The following STRA6 variants were observed in gnomAD, a reference collection of about 807,000 sequenced individuals.
STRA6 encodes the protein signaling receptor and transporter of retinol STRA6.
In STRA6, 48 loss-of-function variants were observed where a neutral mutation model predicts 83.6. That is an observed-to-expected ratio of 0.57 (90% CI 0.46 to 0.73). The LOEUF is 0.73. Among genes scored for constraint, STRA6 ranks in the 30% least tolerant of loss-of-function variants. STRA6 has a pLI of 0.00. For missense variants in STRA6, 760 were observed against 838.8 expected (o/e 0.91, Z 1.16); for synonymous variants, 353 against 362.3 (o/e 0.97, Z 0.29).
At position 74,182,441 on chromosome 15, in the gene STRA6, GA is replaced by G; in HGVS notation, c.1319del (p.Ile440ThrfsTer38). ...GGGCCGTGGTTCCCAGGAAGAAGAT[GA>G]TCTGCTGCACCAGGAGCCCTGCCAG... is the stretch of plus-strand genomic sequence containing the variant. The part of the protein sequence containing the change: ...FICLGLLVQQ[I>X]IFFLGTTALA... On this transcript the variant is annotated frameshift_variant, in exon 15 of 19. Transcript: ENST00000395105. LOFTEE classifies it high-confidence loss of function. The G allele has an allele frequency of 6.2e-7, 1 of 1,610,346 alleles. No individual in the cohort carries two copies. Among genetic ancestry groups the G allele is most frequent in the Non-Finnish European group, 8.5e-7 (1 of 1,178,372 alleles).
upstream of STRA6, chr15:74,209,174 G>A: frequency 3.2e-6 from 4 of 1,237,910 alleles, no homozygotes; most frequent in Non-Finnish European, 4.3e-6. Context: ...AGGGGCTGGG[G>A]CCCCACACAA....
chr15:74,187,546 A>G (rs548620951), intron 12 of STRA6, among the ~76,000 whole-genome samples: 31 of 152,016 alleles, frequency 2.0e-4, no homozygotes, highest in African/African-American at 7.0e-4. Context: ...GCTCTCTGTG[A>G]GTGATGCCAG....
rs189364885 is a variant in STRA6 at position 74,193,702 on chromosome 15, C to G, written c.720+98G>C. The G allele has an allele frequency of 1.6e-4, 255 of 1,571,348 alleles. 1 individual carries two copies. The African/African-American group carries it at 2.4e-3, about 15-fold the overall frequency. On this transcript the variant is annotated intron_variant, in intron 8 of 18. Transcript: ENST00000395105. ...CTGAGCATCTATTCTGTGCTGGGCCCTACATCAAGCACGGCCATGTATCTG... is the reference window on the plus strand; with the variant it reads ...CTGAGCATCTATTCTGTGCTGGGCCGTACATCAAGCACGGCCATGTATCTG...
chr15:74,180,287 G>A, intron 18 of STRA6, 44 bp from the exon 19 acceptor site: 2 of 1,612,722 alleles, frequency 1.2e-6, no homozygotes, highest in South Asian at 1.1e-5. Flanking sequence ...CAAACACCCA[G>A]CCAACCCTCC....
intron 11 of STRA6, 73 bp downstream of exon 11, chr15:74,190,767 C>T (rs890678391): frequency 2.2e-5 from 35 of 1,609,748 alleles, no homozygotes; most frequent in Middle Eastern, 3.6e-4. Flanking sequence ...TGGGTTGGGC[C>T]GGAACTGCTC....
At chr15:74,195,057 T>C in intron 7 of STRA6, 1 of 1,446,972 alleles carries the variant, frequency 6.9e-7, no homozygotes, top group Non-Finnish European at 9.1e-7. Flanking sequence ...CTCTGCCCAC[T>C]TCCCCTTCTC....
chr15:74,197,135 G>A (rs897698721), intron 4 of STRA6, among the ~76,000 whole-genome samples: 3 of 152,150 alleles, frequency 2.0e-5, no homozygotes, highest in African/African-American at 7.2e-5. Flanking sequence ...AGGCGGGCTT[G>A]AGCGAGTCCC....
chr15:74,209,370 C>A, upstream of STRA6: 1 of 1,535,424 alleles, frequency 6.5e-7, no homozygotes, highest in Non-Finnish European at 8.7e-7. Context: ...TCCATTTGTC[C>A]CCATCCATCA....
At chr15:74,182,659 T>A (rs2073054054) in intron 14 of STRA6, 199 bp from the exon 15 acceptor site, 1 of 586,834 alleles carries the variant, frequency 1.7e-6, no homozygotes, top group South Asian at 2.0e-5. Flanking sequence ...AAAATGGGGA[T>A]AATAGTCCCT....
chr15:74,181,414 A>C lies in STRA6; in HGVS notation c.1565T>G (p.Val522Gly), dbSNP rs559042530. ...GGTGGCCACCATGGCACCCACCAGC[A>C]CATTGAGGGGGAAGAGAAGAAAGGT... ...AATFLLFPLN[V>G]LVGAMVATWR... The change falls in exon 17 of 19, where the codon GTG (valine) becomes GGG (glycine). Residue 522 changes from valine (V) to glycine (G), a missense_variant. Coordinates refer to ENST00000395105, the MANE Select transcript of STRA6 (RefSeq NM_022369.4). The C allele has an allele frequency of 6.2e-7, 1 of 1,613,514 alleles. No individual in the cohort carries two copies. Among genetic ancestry groups the C allele is most frequent in the African/African-American group, 1.3e-5 (1 of 74,964 alleles).
At chr15:74,196,282 T>C (rs1229642993) in intron 4 of STRA6, 135 bp from the exon 5 acceptor site, 9 of 1,344,466 alleles carry the variant, frequency 6.7e-6, no homozygotes, top group Non-Finnish European at 8.2e-6. Context: ...GCCCCTTCAT[T>C]CATTCATTCC....
intron 13 of STRA6, 143 bp downstream of exon 13, chr15:74,184,837 G>A (rs566604922): frequency 2.2e-5 from 17 of 786,160 alleles, no homozygotes; most frequent in Middle Eastern, 6.3e-4. Flanking sequence ...CCACTGCAGC[G>A]CAGCCACGCA....
chr15:74,187,382 A>C (rs1471808027), intron 12 of STRA6, among the ~76,000 whole-genome samples: 1 of 152,154 alleles, frequency 6.6e-6, no homozygotes. Context: ...CATGTGATTG[A>C]GGGCCTCAAG....
At chr15:74,191,635 G>C (rs2073546366) in intron 8 of STRA6, 144 bp from the exon 9 acceptor site, 2 of 736,778 alleles carry the variant, frequency 2.7e-6, no homozygotes, top group East Asian at 5.3e-5. Context: ...TGTGGATGGG[G>C]CTGACCTGTG....
upstream of STRA6, among the ~76,000 whole-genome samples, chr15:74,206,288 AG>A (rs2074260199): frequency 6.6e-6 from 1 of 152,204 alleles, no homozygotes; most frequent in Non-Finnish European, 1.5e-5. Flanking sequence ...ATCCATGGAT[AG>A]CGGGTGGCCG....
rs776427131 is a variant in STRA6, at chr15:74,182,121, C to T, written c.1520+40G>A. On this transcript the variant is annotated intron_variant, in intron 16 of 18. Coordinates refer to ENST00000395105, the MANE Select transcript of STRA6 (RefSeq NM_022369.4). ...AAAGAGAGAGACACCGAAGAAGAGG[C>T]GAGGGCCTGAGGGAGCCACAAGCCC... 4.1e-5 allele frequency: 63 copies of T among 1,553,184 alleles called. No homozygotes were observed. In the Admixed American group the frequency reaches 7.3e-4, roughly 18 times the overall value.
intron 11 of STRA6, 128 bp from the exon 12 acceptor site, chr15:74,189,405 A>G (rs1241127051): frequency 1.2e-5 from 16 of 1,357,882 alleles, no homozygotes; most frequent in Admixed American, 3.9e-5. Flanking sequence ...CAGTGTTCTT[A>G]TCTGCCCCTT....
At position 74,182,371 on chromosome 15, in the gene STRA6, G is replaced by A; in HGVS notation, c.1390C>T (p.Leu464=). Residue 464 remains leucine, a synonymous_variant, in exon 15 of 19, where the codon CTG becomes TTG. Coordinates refer to ENST00000395105, the MANE Select transcript of STRA6 (RefSeq NM_022369.4). ...LMPVLHGRNL[L]LFRSLESSWP... ...GAGGACTCCAGGGAACGGAAGAGCAGGAGGTTCCTGCCATGGAGCACAGGC... is the reference window on the plus strand; with the variant it reads ...GAGGACTCCAGGGAACGGAAGAGCAAGAGGTTCCTGCCATGGAGCACAGGC... 1 of 1,614,058 alleles carries A rather than the reference G, an allele frequency of 6.2e-7. No homozygotes were observed. The highest frequency in any genetic ancestry group is 1.3e-5 in the African/African-American group (1 of 75,046).
At chr15:74,197,852 G>A (rs1394236395) in intron 2 of STRA6, 34 bp from the exon 3 acceptor site, 13 of 1,608,312 alleles carry the variant, frequency 8.1e-6, no homozygotes, top group African/African-American at 5.3e-5. Context: ...TCAGGCCTGC[G>A]TCAGGCCCCC....
Sources: allele counts gnomAD v4.1 joint callset (sites outside exome capture counted in the v4.1 genomes callset), GRCh38; gene constraint gnomAD v4.1.1; transcripts MANE v1.5; gene names NCBI Gene and HGNC (gene_info 2026-07-23, HGNC 2026-07-21).